The following LRRC4C variants were observed in gnomAD, a reference collection of about 807,000 sequenced individuals.
The protein encoded by LRRC4C is leucine-rich repeat-containing protein 4C.
In LRRC4C, 5 loss-of-function variants were observed where a neutral mutation model predicts 33.6. That is an observed-to-expected ratio of 0.15 (90% confidence interval 0.08 to 0.31). The LOEUF (loss-of-function observed/expected upper bound fraction) is 0.31, where lower values mean the gene tolerates loss of function less well. LRRC4C is among the 10% of genes least tolerant of loss of function. LRRC4C has a pLI of 1.00. For synonymous variants in LRRC4C, 329 were observed against 302.0 expected (o/e 1.09, Z -0.93); for missense variants, 560 against 796.7 (o/e 0.70, Z 3.58).
intron 5 of LRRC4C, among the ~76,000 whole-genome samples, chr11:40,181,378 G>A (rs1227887997): frequency 6.6e-6 from 1 of 152,204 alleles, no homozygotes; most frequent in East Asian, 1.9e-4. Context: ...AGTTAAAACT[G>A]TATTTTACAT....
At chr11:41,393,386 A>T (rs76574000) in intron 1 of LRRC4C, among the ~76,000 whole-genome samples, 99 of 151,900 alleles carry the variant, frequency 6.5e-4, no homozygotes, top group African/African-American at 2.3e-3. Flanking sequence ...GAGCTTTGTG[A>T]AAGTATCTTA....
chr11:40,698,992 C>CA (rs1945723873), intron 2 of LRRC4C, among the ~76,000 whole-genome samples: 1 of 152,086 alleles, frequency 6.6e-6, no homozygotes, highest in African/African-American at 2.4e-5. Flanking sequence ...GGAACACAGC[C>CA]AAACCATATC....
chr11:40,488,624 C>T (rs1476500453), intron 3 of LRRC4C, among the ~76,000 whole-genome samples: 1 of 152,060 alleles, frequency 6.6e-6, no homozygotes, highest in East Asian at 1.9e-4. Flanking sequence ...TGAATCTTCT[C>T]TTTCAGCAGC....
intron 1 of LRRC4C, among the ~76,000 whole-genome samples, chr11:41,359,842 A>G (rs1303609869): frequency 6.6e-6 from 1 of 152,144 alleles, no homozygotes; most frequent in African/African-American, 2.4e-5. Flanking sequence ...ATGATGCCTC[A>G]TCACTTTGAG....
intron 1 of LRRC4C, among the ~76,000 whole-genome samples, chr11:41,166,860 A>T (rs1944753754): frequency 6.6e-6 from 1 of 152,212 alleles, no homozygotes; most frequent in Non-Finnish European, 1.5e-5. Context: ...GGCATTTTAC[A>T]GACACCATGG....
At chr11:41,283,381 G>A (rs1297231423) in intron 1 of LRRC4C, among the ~76,000 whole-genome samples, 1 of 152,154 alleles carries the variant, frequency 6.6e-6, no homozygotes, top group African/African-American at 2.4e-5. Context: ...CACAGGGGAT[G>A]TTACTAGGTG....
intron 1 of LRRC4C, among the ~76,000 whole-genome samples, chr11:41,318,170 T>C (rs567080196): frequency 2.0e-4 from 31 of 152,306 alleles, no homozygotes; most frequent in South Asian, 1.7e-3. Flanking sequence ...CAAAGAAGAA[T>C]GATCAATGAG....
intron 1 of LRRC4C, among the ~76,000 whole-genome samples, chr11:41,366,238 ATAGATAG>A (rs1565615832): frequency 5.3e-5 from 7 of 131,982 alleles, no homozygotes; most frequent in Non-Finnish European, 8.1e-5. Context: ...AGATAGATAG[ATAGATAG>A]GTAGATATCC....
At chr11:41,243,215 C>A (rs1466963017) in intron 1 of LRRC4C, among the ~76,000 whole-genome samples, 3 of 152,164 alleles carry the variant, frequency 2.0e-5, no homozygotes, top group Admixed American at 2.0e-4. Flanking sequence ...CTTAGAAAAC[C>A]ACTCATCATA....
chr11:40,519,503 G>A (rs59774654), intron 3 of LRRC4C, among the ~76,000 whole-genome samples: 9,837 of 152,116 alleles, frequency 0.065, 839 homozygotes, highest in African/African-American at 0.2. Context: ...TTCTTCTGCT[G>A]CTTCCTCCTC....
At chr11:40,405,310 T>G (rs1029096850) in intron 3 of LRRC4C, among the ~76,000 whole-genome samples, 9 of 151,972 alleles carry the variant, frequency 5.9e-5, no homozygotes, top group African/African-American at 2.2e-4. Context: ...GCTAGAGATA[T>G]TCCCCAAAAT....
Position 40,840,834 on chromosome 11 carries a change from T to C in LRRC4C, c.-407+92801A>G, listed in dbSNP as rs182300075. ...ATTATGTTTTGTTAAGATTTGTTAATATTAGTTACTTTGTTCAACATTATA... is the reference window on the plus strand; with the variant it reads ...ATTATGTTTTGTTAAGATTTGTTAACATTAGTTACTTTGTTCAACATTATA... On this transcript the variant is annotated intron_variant, in intron 2 of 6. Coordinates refer to ENST00000528697, the MANE Select transcript of LRRC4C (RefSeq NM_001258419.2). Among the ~76,000 whole-genome samples, 16 of 152,332 alleles carry C rather than the reference T, an allele frequency of 1.1e-4. No individual in the cohort carries two copies. In the East Asian group the frequency reaches 2.1e-3, roughly 20 times the overall value.
intron 1 of LRRC4C, among the ~76,000 whole-genome samples, chr11:41,180,814 T>C (rs139712031): frequency 5.3e-5 from 8 of 152,096 alleles, no homozygotes; most frequent in Admixed American, 5.2e-4. Context: ...TCCTAAGATA[T>C]CTTCTGCTAT....
intron 1 of LRRC4C, among the ~76,000 whole-genome samples, chr11:41,356,393 A>C (rs1391529993): frequency 3.3e-5 from 5 of 152,134 alleles, no homozygotes; most frequent in Non-Finnish European, 7.4e-5. Flanking sequence ...CTTCCTCCAG[A>C]ATCCAGGCTG....
At chr11:40,416,731 A>G (rs1290454974) in intron 3 of LRRC4C, among the ~76,000 whole-genome samples, 1 of 152,194 alleles carries the variant, frequency 6.6e-6, no homozygotes, top group Non-Finnish European at 1.5e-5. Context: ...AGACAAGAAA[A>G]TAGGGAATTA....
At chr11:41,220,443 G>A (rs188897093) in intron 1 of LRRC4C, among the ~76,000 whole-genome samples, 12 of 150,924 alleles carry the variant, frequency 8.0e-5, no homozygotes, top group East Asian at 2.0e-4. Context: ...TTTTTTTGGC[G>A]GGGGGGTGTT....
At chr11:40,929,948 A>C (rs1463350229) in intron 2 of LRRC4C, among the ~76,000 whole-genome samples, 2 of 152,164 alleles carry the variant, frequency 1.3e-5, no homozygotes, top group Non-Finnish European at 2.9e-5. Context: ...ATTACAATCA[A>C]TATGAAGCTA....
intron 1 of LRRC4C, among the ~76,000 whole-genome samples, chr11:41,363,661 AAAG>A (rs771674498): frequency 6.6e-6 from 1 of 152,202 alleles, no homozygotes; most frequent in South Asian, 2.1e-4. Context: ...TGAAAAAGAA[AAAG>A]AAGAATAAAG....
intron 3 of LRRC4C, among the ~76,000 whole-genome samples, chr11:40,393,570 A>G (rs1041302984): frequency 6.6e-6 from 1 of 152,176 alleles, no homozygotes; most frequent in African/African-American, 2.4e-5. Context: ...AAAAGAAGAC[A>G]GTAATGGTAC....
Sources: gnomAD v4.1 joint callset for allele counts (sites outside exome capture counted in the v4.1 genomes callset) on GRCh38, gnomAD v4.1.1 for gene constraint, MANE v1.5 for transcripts, NCBI Gene and HGNC (gene_info 2026-07-23, HGNC 2026-07-21) for gene names.